The following CLK1 variants were observed in gnomAD, a reference collection of about 807,000 sequenced individuals.
The protein encoded by CLK1 is CDC like kinase 1.
In CLK1, 40 loss-of-function variants were observed where a neutral mutation model predicts 60.9. The ratio of observed to expected loss-of-function variants is 0.66; its 90% CI spans 0.51 to 0.86. CLK1 has a LOEUF of 0.86. Ranked by LOEUF, CLK1 falls within the 40% of genes least tolerant of loss-of-function variation. The probability of loss-of-function intolerance (pLI) is 0.00; values close to 1 mark genes in which losing one functional copy is unlikely to be tolerated. For missense variants in CLK1, 563 were observed against 606.1 expected (o/e 0.93, Z 0.75); for synonymous variants, 203 against 184.4 (o/e 1.10, Z -0.82).
chr2:200,854,535 C>CAAA, intron 11 of CLK1, 81 bp downstream of exon 11: 32 of 697,210 alleles, frequency 4.6e-5, no homozygotes, highest in East Asian at 1.1e-4. Flanking sequence ...GACTCCATCT[C>CAAA]AAAAAAAAAA....
At position 200,860,116 on chromosome 2, in the gene CLK1, A is replaced by G; in HGVS notation, c.481+9T>C. ...GAAAAGTTAATAAGTGTTGAAAAAT[A>G]TTCTATACATCTTGCACTTAGTACG... On this transcript the variant is annotated intron_variant, in intron 4 of 12. Coordinates refer to ENST00000321356, the MANE Select transcript of CLK1 (RefSeq NM_004071.4). The G allele has an allele frequency of 1.2e-6, 2 of 1,612,296 alleles. No individual in the cohort carries two copies. The highest frequency in any genetic ancestry group is 8.5e-7 in the Non-Finnish European group (1 of 1,178,364).
intron 9 of CLK1, among the ~76,000 whole-genome samples, chr2:200,856,402 T>G (rs367794628): frequency 1.4e-4 from 21 of 152,110 alleles, no homozygotes; most frequent in African/African-American, 4.8e-4. Context: ...ATTACAGATG[T>G]GAGCCACCGC....
intron 1 of CLK1, chr2:200,863,173 G>A (rs2039169537): frequency 6.6e-6 from 1 of 151,940 alleles, no homozygotes; most frequent in African/African-American, 2.4e-5. Context: ...CAAATTTAGC[G>A]GTAGGGGTTG....
chr2:200,856,611 TA>T, intron 9 of CLK1, 70 bp downstream of exon 9: 2 of 1,398,912 alleles, frequency 1.4e-6, no homozygotes, highest in Non-Finnish European at 9.7e-7. Context: ...AAGTAAGACC[TA>T]AAACTGCTAA....
chr2:200,862,760 CATTACTG>C (rs756291774), intron 1 of CLK1, among the ~76,000 whole-genome samples: 29 of 152,214 alleles, frequency 1.9e-4, no homozygotes, highest in Non-Finnish European at 2.8e-4. Flanking sequence ...ACCAACACCG[CATTACTG>C]ATTACTGCAA....
chr2:200,859,632 C>G lies in CLK1; in HGVS notation c.548+48G>C. The G allele has an allele frequency of 2.7e-6, 4 of 1,462,378 alleles. No homozygotes were observed. The East Asian group carries it at 9.1e-5, about 33-fold the overall frequency. 90.6% of individuals were successfully genotyped at this position (1,462,378 alleles called of 1,614,324 possible). A position where few individuals can be genotyped will look rare whatever the true frequency, so the allele number is the denominator to read the frequency against. Reference sequence around the variant, plus strand: ...CCACTTTCTAAAGCTAAATCAATTACCTGTATTGCCAACTTCCCTAAAAGT... The same window carrying G: ...CCACTTTCTAAAGCTAAATCAATTAGCTGTATTGCCAACTTCCCTAAAAGT... On this transcript the variant is annotated intron_variant, in intron 5 of 12. Coordinates refer to ENST00000321356, the MANE Select transcript of CLK1 (RefSeq NM_004071.4).
intron 5 of CLK1, 25 bp downstream of exon 5, chr2:200,859,655 A>C: frequency 1.9e-6 from 3 of 1,603,616 alleles, no homozygotes; most frequent in Middle Eastern, 1.7e-4. Context: ...CTTCCCTAAA[A>C]GTAATCCCAA....
At chr2:200,860,447 G>C (rs1040914415) in intron 3 of CLK1, 2 of 1,251,952 alleles carry the variant, frequency 1.6e-6, no homozygotes, top group African/African-American at 3.0e-5. Context: ...TTTCAGATAA[G>C]ATACTCAAAG....
At chr2:200,864,172 G>C in intron 1 of CLK1, 1 of 1,550,892 alleles carries the variant, frequency 6.4e-7, no homozygotes, top group African/African-American at 1.4e-5. Context: ...CCCCTCAACG[G>C]GGAGCCTCGC....
Position 200,858,806 on chromosome 2 carries a change from TAAC to T in CLK1, c.549-720_549-718del, listed in dbSNP as rs57925642. Among the ~76,000 whole-genome samples the T allele has an allele frequency of 6.3e-3, 871 of 137,852 alleles. 9 individuals carry two copies. Among genetic ancestry groups the T allele is most frequent in the African/African-American group, 0.021 (766 of 36,622 alleles). 90.4% of individuals were successfully genotyped at this position (137,852 alleles called of 152,430 possible). Reference sequence around the variant, plus strand: ...TGCCATTCAGGAAGAGGAAGAACAATAACAACAACAACAACAACAACAACAAAC... The same window carrying T: ...TGCCATTCAGGAAGAGGAAGAACAATAACAACAACAACAACAACAACAAAC... On this transcript the variant is annotated intron_variant, in intron 5 of 12. Coordinates refer to ENST00000321356, the MANE Select transcript of CLK1 (RefSeq NM_004071.4).
At chr2:200,862,333 C>T (rs2039152524) in intron 1 of CLK1, among the ~76,000 whole-genome samples, 1 of 152,196 alleles carries the variant, frequency 6.6e-6, no homozygotes. Context: ...TAACTGATGA[C>T]ATTCCACCAT....
chr2:200,859,566 T>TA, intron 5 of CLK1, 114 bp downstream of exon 5: 1 of 704,110 alleles, frequency 1.4e-6, no homozygotes, highest in East Asian at 2.7e-5. Context: ...TACATCCAAG[T>TA]AAAAAAGGGT....
chr2:200,864,444 G>A (rs374472428), intron 1 of CLK1, 120 bp downstream of exon 1: 2 of 560,812 alleles, frequency 3.6e-6, no homozygotes, highest in East Asian at 3.5e-5. Flanking sequence ...GAAGGGAGCA[G>A]GCAGTCGTCG....
At chr2:200,853,678 T>TA (rs1559325111) in intron 12 of CLK1, among the ~76,000 whole-genome samples, 3 of 63,428 alleles carry the variant, frequency 4.7e-5, no homozygotes, top group Non-Finnish European at 9.4e-5. Context: ...TGTCTTTACT[T>TA]GAAAAAAAAA....
intron 12 of CLK1, 113 bp from the exon 13 acceptor site, chr2:200,853,562 C>T: frequency 9.9e-7 from 1 of 1,007,466 alleles, no homozygotes; most frequent in Non-Finnish European, 1.4e-6. Context: ...GAAAAGAGGC[C>T]AGGCATGGTC....
chr2:200,860,907 G>C (rs1575080431), intron 3 of CLK1: 13 of 1,105,344 alleles, frequency 1.2e-5, no homozygotes, highest in South Asian at 8.4e-5. Context: ...GATTTCAATA[G>C]ATCAAAACTA....
chr2:200,856,773 T>G lies in CLK1; in HGVS notation c.966A>C (p.Lys322Asn). 1 of 1,613,800 alleles carries G rather than the reference T, an allele frequency of 6.2e-7. No individual in the cohort carries two copies. The highest frequency in any genetic ancestry group is 8.5e-7 in the Non-Finnish European group (1 of 1,179,836). The change falls in exon 9 of 13, where the codon AAA (lysine) becomes AAC (asparagine). Residue 322 changes from lysine (K) to asparagine (N), a missense_variant. Coordinates refer to ENST00000321356, the MANE Select transcript of CLK1 (RefSeq NM_004071.4). Reference sequence around the variant, plus strand: ...ATGTTGCACTACCAAAGTCTACAACTTTAATATCTGGATTTATTAAGGTGC... The same window carrying G: ...ATGTTGCACTACCAAAGTCTACAACGTTAATATCTGGATTTATTAAGGTGC... ...DERTLINPDI[K>N]VVDFGSATYD...
chr2:200,857,883 G>C lies in CLK1; in HGVS notation c.667C>G (p.Arg223Gly). 2 of 1,612,014 alleles carry C rather than the reference G, an allele frequency of 1.2e-6. No individual in the cohort carries two copies. The highest frequency in any genetic ancestry group is 1.7e-6 in the Non-Finnish European group (2 of 1,178,726). Residue 223 changes from arginine to glycine, a missense_variant and splice_region_variant, in exon 7 of 13, where the codon CGC becomes GGC. Physicochemically the swap from Arg to Gly is moderately radical, Grantham distance 125 (BLOSUM62 -2). This residue lies in a region of CLK1 where 360 missense variants were observed against 407.0 expected (regional missense o/e 0.88). Coordinates refer to ENST00000321356, the MANE Select transcript of CLK1 (RefSeq NM_004071.4). ...LNTTDPNSTF[R>G]CVQMLEWFEH... ...AACCATTCCAACATCTGGACACAGCGGCTACAAACACATGAAAAATAGCTA... is the reference window on the plus strand; with the variant it reads ...AACCATTCCAACATCTGGACACAGCCGCTACAAACACATGAAAAATAGCTA...
chr2:200,861,119 A>T, intron 3 of CLK1, 119 bp downstream of exon 3: 1 of 1,488,650 alleles, frequency 6.7e-7, no homozygotes, highest in Non-Finnish European at 8.9e-7. Context: ...AAAATCCTGC[A>T]GGTTAAAACT....
Sources: allele counts gnomAD v4.1 joint callset (sites outside exome capture counted in the v4.1 genomes callset), GRCh38; gene constraint gnomAD v4.1.1; regional missense constraint gnomAD v4.1.1; transcripts MANE v1.5; gene names NCBI Gene and HGNC (gene_info 2026-07-23, HGNC 2026-07-21).